The following TRIM2 variants were observed in gnomAD, a reference collection of about 807,000 sequenced individuals.
TRIM2 encodes the protein tripartite motif containing 2.
Under a neutral mutation model 75.2 loss-of-function variants are expected in TRIM2, and 20 were observed. That is an observed-to-expected ratio of 0.27 (90% CI 0.19 to 0.39). TRIM2 has a LOEUF of 0.39. Ranked by LOEUF, TRIM2 falls within the 10% of genes least tolerant of loss-of-function variation. TRIM2 has a pLI of 1.00. For missense variants in TRIM2, 660 were observed against 990.8 expected (o/e 0.67, Z 4.48); for synonymous variants, 373 against 388.3 (o/e 0.96, Z 0.46).
In TRIM2 at chr4:153,319,499, C is replaced by T. The variant is rs766533631; in HGVS notation, c.1783-3149C>T. Among the ~76,000 whole-genome samples the T allele has an allele frequency of 1.2e-3, 186 of 152,004 alleles. 2 individuals carry two copies. Among genetic ancestry groups the T allele is most frequent in the Non-Finnish European group, 2.3e-3 (155 of 67,990 alleles). ...ATCCCAGCACCTTGGGAGGCCGCAG[C>T]GGGCAAATCACCTGAGGTCAGGAGT... On this transcript the variant is annotated intron_variant, in intron 8 of 11. Transcript: ENST00000338700.
chr4:153,205,035 G>A (rs955802491), intron 1 of TRIM2, among the ~76,000 whole-genome samples: 1 of 152,142 alleles, frequency 6.6e-6, no homozygotes, highest in African/African-American at 2.4e-5. Flanking sequence ...TTATAAATAG[G>A]TCTATTCAGA....
rs141130003 is a variant in TRIM2 at position 153,196,545 on chromosome 4, T to G, written c.-49+43275T>G. ...TGGTTGTGAGGATTCAATGAATCCA[T>G]ACATGGAAATGCTTTAGAACAGTAC... is the stretch of plus-strand genomic sequence containing the variant. On this transcript the variant is annotated intron_variant, in intron 1 of 11. Coordinates refer to the TRIM2 transcript ENST00000437508. Among the ~76,000 whole-genome samples the G allele has an allele frequency of 5.9e-5, 9 of 152,338 alleles. No homozygotes were observed. In the East Asian group the frequency reaches 1.5e-3, roughly 26 times the overall value.
At chr4:153,214,762 AAGTTCTGATTTAGG>A (rs1365192209) in intron 1 of TRIM2, among the ~76,000 whole-genome samples, 1 of 152,168 alleles carries the variant, frequency 6.6e-6, no homozygotes, top group Non-Finnish European at 1.5e-5. Flanking sequence ...TCCCCTAGGT[AAGTTCTGATTTAGG>A]AGGTCTGGGT....
At chr4:153,189,931 C>A (rs2149656920) in intron 1 of TRIM2, among the ~76,000 whole-genome samples, 1 of 152,228 alleles carries the variant, frequency 6.6e-6, no homozygotes, top group East Asian at 1.9e-4. Context: ...ATATGAATAT[C>A]TTGGTAGGGG....
chr4:153,197,880 A>T (rs1467960864), intron 1 of TRIM2, among the ~76,000 whole-genome samples: 1 of 152,168 alleles, frequency 6.6e-6, no homozygotes, highest in African/African-American at 2.4e-5. Flanking sequence ...TCTCAAAAAA[A>T]ATTAATAAAT....
In TRIM2 at chr4:153,315,745, T is replaced by C. The variant is rs1767449626; in HGVS notation, c.1615-87T>C. 6 of 1,532,374 alleles carry C rather than the reference T, an allele frequency of 3.9e-6. No homozygotes were observed. In the South Asian group the frequency reaches 4.5e-5, roughly 12 times the overall value. 94.9% of individuals were successfully genotyped at this position (1,532,374 alleles called of 1,614,324 possible). ...AATAGAGTTTGCGTGTTCTGATCTCTGTATGTATGGCAGATGTTTCTGCCT... is the reference window on the plus strand; with the variant it reads ...AATAGAGTTTGCGTGTTCTGATCTCCGTATGTATGGCAGATGTTTCTGCCT... On this transcript the variant is annotated intron_variant, in intron 7 of 11. Transcript: ENST00000338700.
upstream of TRIM2, among the ~76,000 whole-genome samples, chr4:153,199,732 A>G (rs1734131299): frequency 6.6e-6 from 1 of 152,132 alleles, no homozygotes; most frequent in African/African-American, 2.4e-5. Context: ...ATAATGGATG[A>G]ATTCATTTAA....
At chr4:153,188,293 C>G (rs1732822373) in intron 1 of TRIM2, among the ~76,000 whole-genome samples, 2 of 152,132 alleles carry the variant, frequency 1.3e-5, no homozygotes, top group Non-Finnish European at 2.9e-5. Flanking sequence ...AACGCCTTCT[C>G]TACAAAAAAT....
intron 1 of TRIM2, among the ~76,000 whole-genome samples, chr4:153,217,351 G>GGT (rs1300818399): frequency 5.9e-5 from 9 of 152,006 alleles, no homozygotes; most frequent in Non-Finnish European, 2.9e-5. Flanking sequence ...CTCATCCATG[G>GGT]GTACCAGTTG....
At chr4:153,317,687 G>A (rs1175800829) in intron 8 of TRIM2, among the ~76,000 whole-genome samples, 2 of 152,000 alleles carry the variant, frequency 1.3e-5, no homozygotes, top group African/African-American at 4.8e-5. Flanking sequence ...TCTTGCCTGG[G>A]CATGGTGGCT....
In TRIM2 at chr4:153,335,449, A is replaced by AT. The variant is rs1484185130; in HGVS notation, c.*490dup. On this transcript the variant is annotated 3_prime_UTR_variant, in exon 12 of 12. Coordinates refer to ENST00000338700, the MANE Select transcript of TRIM2 (RefSeq NM_015271.5). ...TTACAGTAGGTATTACTCTTGTGAC[A>AT]TTTTTTTGGTTATCAACAACTAAAT... 2.0e-6 allele frequency: 2 copies of AT among 985,494 alleles called. No individual in the cohort carries two copies. The highest frequency in any genetic ancestry group is 1.1e-4 in the East Asian group (1 of 8,816). The allele number at this position is 985,494 out of a possible 1,614,324, so 61.0% of individuals were successfully genotyped here.
At chr4:153,165,052 G>A (rs1164176988) in intron 1 of TRIM2, among the ~76,000 whole-genome samples, 4 of 151,896 alleles carry the variant, frequency 2.6e-5, no homozygotes, top group Admixed American at 6.6e-5. Context: ...AATTCAAAAC[G>A]TTCCCGACAC....
intron 1 of TRIM2, among the ~76,000 whole-genome samples, chr4:153,237,877 A>G (rs1333340942): frequency 6.6e-6 from 1 of 152,118 alleles, no homozygotes; most frequent in Non-Finnish European, 1.5e-5. Flanking sequence ...CAGAAGATCC[A>G]TTGGTAGTAT....
intron 10 of TRIM2, among the ~76,000 whole-genome samples, chr4:153,326,778 C>T (rs758611269): frequency 3.3e-5 from 5 of 152,094 alleles, no homozygotes; most frequent in Non-Finnish European, 5.9e-5. Context: ...GTCAGGAGTT[C>T]GAGACCCGCC....
intron 1 of TRIM2, among the ~76,000 whole-genome samples, chr4:153,231,333 T>C (rs1275812661): frequency 6.6e-6 from 1 of 152,012 alleles, no homozygotes; most frequent in Non-Finnish European, 1.5e-5. Context: ...ACAATGATGG[T>C]TCAGAAAAGA....
At chr4:153,326,905 A>G (rs1770313270) in intron 10 of TRIM2, among the ~76,000 whole-genome samples, 1 of 150,524 alleles carries the variant, frequency 6.6e-6, no homozygotes, top group East Asian at 2.0e-4. Context: ...TGCTTGAACC[A>G]GGAAGTGGAG....
rs958279266 is a variant in TRIM2, at chr4:153,209,233, A to C, written c.30+4673A>C. Reference sequence around the variant, plus strand: ...TTACATTCATAATCCCTTGCATTTGAGAATTTTTAAATCTACTTAAATTTT... The same window carrying C: ...TTACATTCATAATCCCTTGCATTTGCGAATTTTTAAATCTACTTAAATTTT... On this transcript the variant is annotated intron_variant, in intron 1 of 11. Transcript: ENST00000338700. Among the ~76,000 whole-genome samples, 36 of 152,350 alleles carry C rather than the reference A, an allele frequency of 2.4e-4. 1 individual carries two copies. The highest frequency in any genetic ancestry group is 5.0e-4 in the Non-Finnish European group (34 of 68,032).
At chr4:153,254,151 TC>T (rs1751511495) in intron 1 of TRIM2, among the ~76,000 whole-genome samples, 1 of 152,144 alleles carries the variant, frequency 6.6e-6, no homozygotes, top group Non-Finnish European at 1.5e-5. Context: ...TTGTATGCCA[TC>T]CTAAGATGTT....
chr4:153,240,077 AC>A (rs1285304956), intron 1 of TRIM2, among the ~76,000 whole-genome samples: 1 of 151,770 alleles, frequency 6.6e-6, no homozygotes, highest in East Asian at 1.9e-4. Flanking sequence ...CAAACAATCC[AC>A]CCGTCTCAGC....
Sources: gnomAD v4.1 joint callset for allele counts (sites outside exome capture counted in the v4.1 genomes callset) on GRCh38, gnomAD v4.1.1 for gene constraint, MANE v1.5 for transcripts, NCBI Gene and HGNC (gene_info 2026-07-23, HGNC 2026-07-21) for gene names.